Variants in FAT2 observed in about 807,000 individuals in gnomAD.
FAT2 encodes the protein protocadherin Fat 2.
Under a neutral mutation model 295.3 loss-of-function variants are expected in FAT2, and 150 were observed. That is an observed-to-expected ratio of 0.51 (90% CI 0.44 to 0.58). The LOEUF (loss-of-function observed/expected upper bound fraction) is 0.58. Ranked by LOEUF, FAT2 falls within the 20% of genes least tolerant of loss-of-function variation. The pLI is 0.00. For synonymous variants in FAT2, 2,026 were observed against 2,150.3 expected (o/e 0.94, Z 1.60); for missense variants, 4,868 against 5,442.7 (o/e 0.89, Z 3.32).
At chr5:151,556,590 A>C (rs912961475) in intron 3 of FAT2, among the ~76,000 whole-genome samples, 188 bp from the exon 4 acceptor site, 2 of 152,244 alleles carry the variant, frequency 1.3e-5, no homozygotes, top group African/African-American at 4.8e-5. Context: ...TGTGGAAGTG[A>C]TACACATTCA....
chr5:151,567,317 C>T lies in FAT2; in HGVS notation c.1615G>A (p.Gly539Arg). Residue 539 changes from glycine (G) to arginine (R), a missense_variant, in exon 2 of 24, where the codon GGA becomes AGA. Around this residue, in one of 5 missense-constraint regions of FAT2, gnomAD observed 3,297 missense variants for 3,669.4 expected, o/e 0.90. Transcript: ENST00000261800. ...YTFRVRASDW[G>R]SPFRREKEVS... is the part of the protein sequence containing the mutation. ...TCCTTCTCCCGGCGAAAAGGGGATC[C>T]CCAGTCTGATGCTCTTACCCGGAAG... 6.2e-7 allele frequency: 1 copy of T among 1,614,092 alleles called. No individual in the cohort carries two copies. Among genetic ancestry groups the T allele is most frequent in the Non-Finnish European group, 8.5e-7 (1 of 1,180,008 alleles).
At chr5:151,528,303 T>A (rs1268680070) in intron 15 of FAT2, among the ~76,000 whole-genome samples, 170 bp from the exon 16 acceptor site, 1 of 152,180 alleles carries the variant, frequency 6.6e-6, no homozygotes, top group African/African-American at 2.4e-5. Flanking sequence ...CGTGTGGACT[T>A]CAGCATGCCA....
rs370335288 is a variant in FAT2, at chr5:151,505,538, C to T, written c.*27G>A. The T allele has an allele frequency of 1.8e-5, 29 of 1,613,446 alleles. No homozygotes were observed. Among genetic ancestry groups the T allele is most frequent in the Middle Eastern group, 1.6e-4 (1 of 6,080 alleles). On this transcript the variant is annotated 3_prime_UTR_variant, in exon 24 of 24. Transcript: ENST00000261800. ...AAGCCAAGTCCAGTCCTTGGCCTCC[C>T]GCCTGCCTTGCTCTGGGAATGGGAA...
Position 151,546,352 on chromosome 5 carries a change from A to G in FAT2, c.4790-15T>C. The G allele has an allele frequency of 3.8e-6, 6 of 1,597,666 alleles. No individual in the cohort carries two copies. The highest frequency in any genetic ancestry group is 5.1e-6 in the Non-Finnish European group (6 of 1,170,850). On this transcript the variant is annotated splice_polypyrimidine_tract_variant and intron_variant, in intron 9 of 23. Transcript: ENST00000261800. ...TTCGCTGTTCCCTGAAACAGAAGAC[A>G]AGACAAACAAGTTTGCCACACCCTC...
At chr5:151,560,320 A>G (rs890638286) in intron 3 of FAT2, among the ~76,000 whole-genome samples, 3 of 152,166 alleles carry the variant, frequency 2.0e-5, no homozygotes, top group Non-Finnish European at 4.4e-5. Context: ...TCTCCATTTC[A>G]CTGGTGAGAA....
chr5:151,536,399 A>AC (rs1467062261), intron 12 of FAT2, among the ~76,000 whole-genome samples: 1 of 151,786 alleles, frequency 6.6e-6, no homozygotes, highest in Non-Finnish European at 1.5e-5. Context: ...CTCCCCTGCC[A>AC]CCCCCTGCTC....
At chr5:151,577,813 G>C (rs1758801586) in intron 1 of FAT2, among the ~76,000 whole-genome samples, 1 of 152,074 alleles carries the variant, frequency 6.6e-6, no homozygotes, top group African/African-American at 2.4e-5. Flanking sequence ...TTCCTCTTAG[G>C]GTTGTCTGTA....
chr5:151,590,229 GA>G (rs1759344855), intron 1 of FAT2, among the ~76,000 whole-genome samples: 1 of 152,212 alleles, frequency 6.6e-6, no homozygotes, highest in Non-Finnish European at 1.5e-5. Context: ...TGAAGGACTA[GA>G]AGCACCTACT....
intron 2 of FAT2, among the ~76,000 whole-genome samples, 170 bp downstream of exon 2, chr5:151,565,503 A>AG (rs1179863225): frequency 2.6e-5 from 4 of 152,144 alleles, no homozygotes; most frequent in African/African-American, 9.7e-5. Context: ...ATATATTCCC[A>AG]GTAAAAACAA....
At position 151,545,563 on chromosome 5, in the gene FAT2, G is replaced by T. The variant is rs1318982512; in HGVS notation, c.5564C>A (p.Pro1855His). The T allele has an allele frequency of 3.1e-6, 5 of 1,614,132 alleles. No homozygotes were observed. The highest frequency in any genetic ancestry group is 3.3e-5 in the Admixed American group (2 of 60,018). Residue 1855 changes from proline (P) to histidine (H), a missense_variant, in exon 10 of 24, where the codon CCT becomes CAT. Physicochemically the swap from Pro to His is moderately conservative, Grantham distance 77 (BLOSUM62 -2). Around this residue, in one of 5 missense-constraint regions of FAT2, gnomAD observed 3,297 missense variants for 3,669.4 expected, o/e 0.90. Coordinates refer to ENST00000261800, the MANE Select transcript of FAT2 (RefSeq NM_001447.3). The stretch of plus-strand genomic sequence containing the variant: ...TCTGACATGAATGATGACTTGGGCA[G>T]GTCTGGGTGCAAATAATACAGGGCT... ...QGSPVLFAPRPAQVIIHVRDV... is the reference protein window; with the variant it reads ...QGSPVLFAPRHAQVIIHVRDV...
intron 7 of FAT2, 85 bp downstream of exon 7, chr5:151,551,382 C>A: frequency 7.0e-7 from 1 of 1,419,530 alleles, no homozygotes; most frequent in South Asian, 1.3e-5. Context: ...ACACCACATC[C>A]ACAGAAAACC....
intron 20 of FAT2, among the ~76,000 whole-genome samples, chr5:151,514,980 T>G (rs1752702462): frequency 6.6e-6 from 1 of 152,224 alleles, no homozygotes; most frequent in Non-Finnish European, 1.5e-5. Flanking sequence ...TGATAATCTT[T>G]ATTTTTTTAA....
intron 12 of FAT2, among the ~76,000 whole-genome samples, chr5:151,537,348 G>C (rs201527454): frequency 2.0e-5 from 1 of 50,502 alleles, no homozygotes; most frequent in African/African-American, 5.0e-5. Flanking sequence ...GAAAAGAAAA[G>C]AAAAAAGAAG....
In FAT2 at chr5:151,566,252, C is replaced by T; in HGVS notation, c.2680G>A (p.Glu894Lys). 1 of 1,614,112 alleles carries T rather than the reference C, an allele frequency of 6.2e-7. No individual in the cohort carries two copies. The highest frequency in any genetic ancestry group is 8.5e-7 in the Non-Finnish European group (1 of 1,180,026). ...ESEPRYILKVEARDQPSKGHQ... is the reference protein window; with the variant it reads ...ESEPRYILKVKARDQPSKGHQ... ...CCTTTGCTGGGCTGATCCCTGGCCT[C>T]CACCTTGAGTATGTACCGAGGCTCT... Residue 894 changes from glutamate to lysine, a missense_variant, in exon 2 of 24, where the codon GAG becomes AAG. Coordinates refer to ENST00000261800, the MANE Select transcript of FAT2 (RefSeq NM_001447.3).
intron 1 of FAT2, among the ~76,000 whole-genome samples, chr5:151,575,069 T>C (rs761493808): frequency 1.3e-5 from 2 of 152,192 alleles, no homozygotes; most frequent in Non-Finnish European, 2.9e-5. Context: ...AATGGCTCAG[T>C]AAATGGCAGT....
At chr5:151,583,924 G>A (rs188867725) in intron 1 of FAT2, among the ~76,000 whole-genome samples, 4 of 148,544 alleles carry the variant, frequency 2.7e-5, no homozygotes, top group South Asian at 4.3e-4. Flanking sequence ...CTTGGGCCTC[G>A]GAGGCAGAGG....
intron 1 of FAT2, 62 bp from the exon 2 acceptor site, chr5:151,569,013 A>T: frequency 6.9e-7 from 1 of 1,442,878 alleles, no homozygotes; most frequent in Non-Finnish European, 9.3e-7. Flanking sequence ...TACTGCTGTG[A>T]TTCTTAACTG....
chr5:151,548,558 G>A (rs1308129173), intron 9 of FAT2, among the ~76,000 whole-genome samples: 1 of 152,080 alleles, frequency 6.6e-6, no homozygotes, highest in Non-Finnish European at 1.5e-5. Context: ...TCAGCTCACT[G>A]CAACCTCTGC....
intron 3 of FAT2, among the ~76,000 whole-genome samples, chr5:151,556,869 C>G (rs1296703667): frequency 6.6e-6 from 1 of 152,086 alleles, no homozygotes; most frequent in Admixed American, 6.5e-5. Context: ...TATGATGGAT[C>G]TATTGGAATA....
Sources: gnomAD v4.1 joint callset for allele counts (sites outside exome capture counted in the v4.1 genomes callset) on GRCh38, gnomAD v4.1.1 for gene constraint, gnomAD v4.1.1 regional missense constraint, MANE v1.5 for transcripts, NCBI Gene and HGNC (gene_info 2026-07-23, HGNC 2026-07-21) for gene names.